GALNS: variants seen among roughly 807,000 people sequenced by gnomAD.
GALNS encodes the protein galactosamine (N-acetyl)-6-sulfatase, also known as N-acetylgalactosamine-6-sulfatase.
In GALNS, 65 loss-of-function variants were observed where a neutral mutation model predicts 65.9. The observed-to-expected ratio is 0.99, with a 90% CI of 0.81 to 1.21. The LOEUF (loss-of-function observed/expected upper bound fraction) is 1.21. Ranked by LOEUF, GALNS falls within the 50% of genes most tolerant of loss-of-function variation. The pLI is 0.00. For missense variants in GALNS, 776 were observed against 700.7 expected (o/e 1.11, Z -1.21); for synonymous variants, 346 against 288.9 (o/e 1.20, Z -2.00).
intron 13 of GALNS, among the ~76,000 whole-genome samples, chr16:88,817,685 C>G (rs1909773450): frequency 6.6e-6 from 1 of 152,232 alleles, no homozygotes; most frequent in South Asian, 2.1e-4. Context: ...ACGCGCCCTG[C>G]TGTCCCTCAG....
At chr16:88,848,854 C>T (rs1282517214) in intron 1 of GALNS, among the ~76,000 whole-genome samples, 1 of 152,204 alleles carries the variant, frequency 6.6e-6, no homozygotes, top group African/African-American at 2.4e-5. Context: ...TCTGGGCGCA[C>T]GTGGGTGGCT....
rs766408294 is a variant in GALNS at position 88,842,695 on chromosome 16, C to T, written c.244+11G>A. The T allele has an allele frequency of 1.6e-5, 25 of 1,611,912 alleles. No individual in the cohort carries two copies. Among genetic ancestry groups the T allele is most frequent in the Admixed American group, 3.3e-5 (2 of 59,826 alleles). ...CACCCCTTCCTGGGGGCGAGGGCCCCGCTGACTTACATGGCGAGCACAGAG... is the reference window on the plus strand; with the variant it reads ...CACCCCTTCCTGGGGGCGAGGGCCCTGCTGACTTACATGGCGAGCACAGAG... On this transcript the variant is annotated intron_variant, in intron 2 of 13. Coordinates refer to ENST00000268695, the MANE Select transcript of GALNS (RefSeq NM_000512.5).
At position 88,826,850 on chromosome 16, in the gene GALNS, G is replaced by A. The variant is rs758853732; in HGVS notation, c.1003-12C>T. ...AGCTGGTGGCTCACCTGAAACACATGGCAGCAACACGGTCAGGGCACTCTG... is the reference window on the plus strand; with the variant it reads ...AGCTGGTGGCTCACCTGAAACACATAGCAGCAACACGGTCAGGGCACTCTG... On this transcript the variant is annotated splice_polypyrimidine_tract_variant and intron_variant, in intron 9 of 13. Transcript: ENST00000268695. 1 of 1,567,996 alleles carries A rather than the reference G, an allele frequency of 6.4e-7. No homozygotes were observed. Among genetic ancestry groups the A allele is most frequent in the Non-Finnish European group, 8.6e-7 (1 of 1,157,202 alleles).
chr16:88,835,402 A>G, intron 7 of GALNS, 50 bp from the exon 8 acceptor site: 1 of 1,609,812 alleles, frequency 6.2e-7, no homozygotes, highest in Non-Finnish European at 8.5e-7. Context: ...ATGGTGACAA[A>G]TGGATCAGGC....
At chr16:88,833,025 C>G (rs922409368) in intron 8 of GALNS, among the ~76,000 whole-genome samples, 1 of 140,506 alleles carries the variant, frequency 7.1e-6, no homozygotes, top group African/African-American at 2.7e-5. Flanking sequence ...CTACAGTGAG[C>G]TGAGATCGCG....
rs997565505 is a variant in GALNS, at chr16:88,842,765, A to G, written c.185T>C (p.Met62Thr). 4 of 1,613,052 alleles carry G rather than the reference A, an allele frequency of 2.5e-6. No individual in the cohort carries two copies. Among genetic ancestry groups the G allele is most frequent in the Non-Finnish European group, 3.4e-6 (4 of 1,179,830 alleles). Residue 62 changes from methionine to threonine, a missense_variant, in exon 2 of 14, where the codon ATG (methionine) becomes ACG (threonine). Transcript: ENST00000268695. The part of the protein sequence containing the change: ...PSRETPNLDR[M>T]AAEGLLFPNF... ...TGGGAAAAGCAGCCCTTCTGCAGCC[A>G]TCCGGTCCAAATTCGGGGTCTCTCT...
chr16:88,854,318 G>T (rs961290623), intron 1 of GALNS, among the ~76,000 whole-genome samples: 2 of 152,172 alleles, frequency 1.3e-5, no homozygotes, highest in South Asian at 4.1e-4. Context: ...AGGAAGCCCC[G>T]GACTCCAAGG....
intron 1 of GALNS, among the ~76,000 whole-genome samples, chr16:88,851,673 A>G (rs1307702343): frequency 6.6e-6 from 1 of 152,176 alleles, no homozygotes; most frequent in East Asian, 1.9e-4. Flanking sequence ...GCGCTTTTCC[A>G]ACGGTCTTAG....
rs1370862674 is a variant in GALNS, at chr16:88,817,129, G to A, written c.1482+878C>T. On this transcript the variant is annotated intron_variant, in intron 13 of 13. Coordinates refer to ENST00000268695, the MANE Select transcript of GALNS (RefSeq NM_000512.5). ...GCTGTGCTGGGAAACAGGCCTTTGC[G>A]GCCACTGCACACGCGGGATGGCTGG... The A allele has an allele frequency of 1.2e-5, 12 of 985,318 alleles. No homozygotes were observed. The East Asian group carries it at 6.8e-4, about 56-fold the overall frequency. 61.0% of individuals were successfully genotyped at this position (985,318 alleles called of 1,614,324 possible).
At chr16:88,853,305 G>A (rs777681763) in intron 1 of GALNS, among the ~76,000 whole-genome samples, 1 of 149,380 alleles carries the variant, frequency 6.7e-6, no homozygotes, top group African/African-American at 2.5e-5. Context: ...GATTGTCCAC[G>A]TTCAGCGAGC....
chr16:88,843,270 T>C (rs1017072267), intron 1 of GALNS: 4 of 1,225,582 alleles, frequency 3.3e-6, no homozygotes, highest in South Asian at 2.6e-5. Context: ...AACTGGTAAC[T>C]GTCCCCCAGA....
rs894421492 is a variant in GALNS at position 88,836,054 on chromosome 16, G to A, written c.633+147C>T. ...CGGTCCCCGTCCCCACGCGTCCCAC[G>A]GGGCGAGGGTGATGAGGTCCCTGAA... On this transcript the variant is annotated intron_variant, in intron 6 of 13. Coordinates refer to ENST00000268695, the MANE Select transcript of GALNS (RefSeq NM_000512.5). The A allele has an allele frequency of 1.5e-4, 165 of 1,080,120 alleles. 1 individual carries two copies. Among genetic ancestry groups the A allele is most frequent in the Admixed American group, 5.3e-4 (26 of 49,182 alleles). The allele number at this position is 1,080,120 out of a possible 1,614,324, so 66.9% of individuals were successfully genotyped here.
In GALNS at chr16:88,826,707, C is replaced by T. The variant is rs199850676; in HGVS notation, c.1134G>A (p.Met378Ile). The T allele has an allele frequency of 2.8e-5, 45 of 1,612,460 alleles. No individual in the cohort carries two copies. The highest frequency in any genetic ancestry group is 5.1e-6 in the Non-Finnish European group (6 of 1,179,654). ...GGGGCAGGTCTAGCACCAACCTGTC[C>T]ATCAGCCGGCCCTGCAGGAGGGTGG... is the stretch of plus-strand genomic sequence containing the variant. ...LLPTLLQGRLMDRPIFYYRGD... is the reference protein window; with the variant it reads ...LLPTLLQGRLIDRPIFYYRGD... Residue 378 changes from methionine (M) to isoleucine (I), a missense_variant, in exon 10 of 14, where the codon ATG becomes ATA. Coordinates refer to ENST00000268695, the MANE Select transcript of GALNS (RefSeq NM_000512.5).
rs1909498717 is a variant in GALNS, at chr16:88,815,217, G to C, written c.1483-692C>G. 6.1e-6 allele frequency: 6 copies of C among 985,338 alleles called. No homozygotes were observed. In the Admixed American group the frequency reaches 3.7e-4, roughly 61 times the overall value. The allele number at this position is 985,338 out of a possible 1,614,324, so 61.0% of individuals were successfully genotyped here. ...CTCTGAAGGCTGCCATTGGAGAAAT[G>C]AGAACTTGGTGGGGAGGTCCCGGGT... On this transcript the variant is annotated intron_variant, in intron 13 of 13. Coordinates refer to ENST00000268695, the MANE Select transcript of GALNS (RefSeq NM_000512.5).
chr16:88,824,922 C>T lies in GALNS; in HGVS notation c.1140-53G>A, dbSNP rs1006051017. The T allele has an allele frequency of 1.2e-5, 18 of 1,452,764 alleles. No individual in the cohort carries two copies. The African/African-American group carries it at 2.1e-4, about 17-fold the overall frequency. The allele number at this position is 1,452,764 out of a possible 1,614,324, so 90.0% of individuals were successfully genotyped here. ...AATGACAGGAAGGACACGCTGGGGC[C>T]ACCTGGAGGCTCTGGGCTGCGTCTG... On this transcript the variant is annotated intron_variant, in intron 10 of 13. Transcript: ENST00000268695.
chr16:88,855,990 AC>A, intron 1 of GALNS: 1 of 593,630 alleles, frequency 1.7e-6, no homozygotes, highest in Non-Finnish European at 3.0e-6. Flanking sequence ...AATGGAAGTG[AC>A]CCCCAAGCTT....
intron 1 of GALNS, among the ~76,000 whole-genome samples, chr16:88,852,762 G>A (rs1035785228): frequency 7.9e-5 from 12 of 152,298 alleles, no homozygotes; most frequent in African/African-American, 2.6e-4. Context: ...TAGCCGATTC[G>A]ATCTAGTGGA....
Position 88,814,336 on chromosome 16 carries a change from G to T in GALNS, c.*103C>A. ...TGCGTCTGCAGGTGCTGTCTGTCTG[G>T]CTTGGGCAGGGTTGGGGGAGGACCG... On this transcript the variant is annotated 3_prime_UTR_variant, in exon 14 of 14. Transcript: ENST00000268695. 6.9e-7 allele frequency: 1 copy of T among 1,456,964 alleles called. No individual in the cohort carries two copies. Among genetic ancestry groups the T allele is most frequent in the Non-Finnish European group, 9.4e-7 (1 of 1,064,428 alleles). 90.3% of individuals were successfully genotyped at this position (1,456,964 alleles called of 1,614,324 possible).
intron 9 of GALNS, among the ~76,000 whole-genome samples, chr16:88,830,579 G>C (rs770481534): frequency 6.6e-6 from 1 of 152,246 alleles, no homozygotes; most frequent in Non-Finnish European, 1.5e-5. Context: ...AGAAACAGCG[G>C]TCGTTTACAA....
Sources: allele counts gnomAD v4.1 joint callset (sites outside exome capture counted in the v4.1 genomes callset), GRCh38; gene constraint gnomAD v4.1.1; transcripts MANE v1.5; gene names NCBI Gene and HGNC (gene_info 2026-07-23, HGNC 2026-07-21).